Variants in VSNL1 observed in about 807,000 individuals in gnomAD.
VSNL1 encodes the protein visinin like 1.
In VSNL1, 6 loss-of-function variants were observed where a neutral mutation model predicts 20.4. That is an observed-to-expected ratio of 0.29 (90% CI 0.16 to 0.58). VSNL1 has a LOEUF of 0.58. VSNL1 is among the 20% of genes least tolerant of loss of function. The probability of loss-of-function intolerance (pLI) is 0.90; values close to 1 mark genes in which losing one functional copy is unlikely to be tolerated. For missense variants in VSNL1, 100 were observed against 234.5 expected, an observed-to-expected ratio of 0.43 and a Z score of 3.75; for synonymous variants, 93 against 86.4, an observed-to-expected ratio of 1.08 and a Z score of -0.42.
chr2:17,631,664 G>C (rs1036619666), intron 2 of VSNL1, among the ~76,000 whole-genome samples: 1 of 152,146 alleles, frequency 6.6e-6, no homozygotes, highest in Non-Finnish European at 1.5e-5. Context: ...CTCTAGATTT[G>C]ATTAAATAAA....
chr2:17,580,244 A>G (rs1664321101), intron 1 of VSNL1, among the ~76,000 whole-genome samples: 1 of 152,222 alleles, frequency 6.6e-6, no homozygotes, highest in African/African-American at 2.4e-5. Flanking sequence ...AGAGTTGTCC[A>G]GTGAAGTCCA....
intron 1 of VSNL1, among the ~76,000 whole-genome samples, chr2:17,562,545 A>G (rs572923939): frequency 3.0e-4 from 45 of 152,344 alleles, no homozygotes; most frequent in Admixed American, 2.5e-3. Flanking sequence ...ATGAGATTAT[A>G]TAAGCATGTG....
intron 1 of VSNL1, among the ~76,000 whole-genome samples, chr2:17,550,547 C>T (rs1179235081): frequency 6.6e-6 from 1 of 152,140 alleles, no homozygotes; most frequent in Non-Finnish European, 1.5e-5. Flanking sequence ...AGCAAAGAAG[C>T]TTTGGAAATA....
intron 1 of VSNL1, among the ~76,000 whole-genome samples, chr2:17,587,956 A>G (rs545258831): frequency 1.3e-5 from 2 of 152,186 alleles, no homozygotes; most frequent in African/African-American, 2.4e-5. Flanking sequence ...ATCATTTGCC[A>G]TTAAGTGAAA....
At chr2:17,591,982 G>GGACT in intron 1 of VSNL1, 88 bp from the exon 2 acceptor site, 1 of 1,475,386 alleles carries the variant, frequency 6.8e-7, no homozygotes, top group Non-Finnish European at 9.3e-7. Flanking sequence ...TCCGACCATG[G>GGACT]GACTGCTCAG....
chr2:17,653,391 C>A (rs577645541), intron 3 of VSNL1, among the ~76,000 whole-genome samples: 1 of 152,182 alleles, frequency 6.6e-6, no homozygotes, highest in Non-Finnish European at 1.5e-5. Flanking sequence ...CTTTTGATTT[C>A]GCCTTTTAAA....
chr2:17,582,580 A>G (rs1324373696), intron 1 of VSNL1, among the ~76,000 whole-genome samples: 9 of 152,270 alleles, frequency 5.9e-5, no homozygotes, highest in South Asian at 2.1e-4. Context: ...ACTTGTTGAT[A>G]GGTTTACATA....
chr2:17,545,556 T>G (rs997961425), intron 1 of VSNL1, among the ~76,000 whole-genome samples: 1 of 152,128 alleles, frequency 6.6e-6, no homozygotes, highest in Non-Finnish European at 1.5e-5. Flanking sequence ...ATGGAATTAT[T>G]TTAACATGTT....
intron 2 of VSNL1, among the ~76,000 whole-genome samples, chr2:17,644,151 T>C (rs1432157023): frequency 6.6e-6 from 1 of 151,704 alleles, no homozygotes; most frequent in Non-Finnish European, 1.5e-5. Context: ...TGGGGTCCTA[T>C]TCCTGGGGGA....
chr2:17,634,967 C>A lies in VSNL1; in HGVS notation c.163-14443C>A, dbSNP rs1665719508. 6.6e-6 allele frequency among the ~76,000 whole-genome samples: 1 copy of A among 152,186 alleles called. No individual in the cohort carries two copies. Among genetic ancestry groups the A allele is most frequent in the African/African-American group, 2.4e-5 (1 of 41,436 alleles). ...TTGAACACACATACACACGTACACA[C>A]ACATACATGTGCACATACATACATA... On this transcript the variant is annotated intron_variant, in intron 2 of 3. Coordinates refer to ENST00000295156, the MANE Select transcript of VSNL1 (RefSeq NM_003385.5). This position sits in a 1 kb window ranked among gnomAD's most constrained non-coding sequence, Gnocchi z 4.3.
chr2:17,592,990 A>G (rs182841749), intron 2 of VSNL1, among the ~76,000 whole-genome samples: 1 of 152,282 alleles, frequency 6.6e-6, no homozygotes, highest in East Asian at 1.9e-4. Context: ...ACACAAGTGA[A>G]AGAAATACAT....
intron 2 of VSNL1, among the ~76,000 whole-genome samples, chr2:17,639,552 A>T (rs190361826): frequency 6.6e-6 from 1 of 152,172 alleles, no homozygotes; most frequent in Non-Finnish European, 1.5e-5. Flanking sequence ...ATGAAAGAAG[A>T]TCATTTCCTC....
chr2:17,628,748 C>G (rs1245901352), intron 2 of VSNL1, among the ~76,000 whole-genome samples: 3 of 152,330 alleles, frequency 2.0e-5, no homozygotes, highest in African/African-American at 7.2e-5. Flanking sequence ...AAAAGGGCCA[C>G]AGGGAGGCTG....
chr2:17,559,673 C>A (rs1383450920), intron 1 of VSNL1, among the ~76,000 whole-genome samples: 3 of 152,110 alleles, frequency 2.0e-5, no homozygotes, highest in Admixed American at 1.3e-4. Flanking sequence ...AAATCACATT[C>A]ATTTACTTAC....
chr2:17,602,071 T>C (rs545778876), intron 2 of VSNL1, among the ~76,000 whole-genome samples: 7 of 152,228 alleles, frequency 4.6e-5, no homozygotes, highest in Non-Finnish European at 1.0e-4. Context: ...CATTTTGAAA[T>C]GGTGATCTGG....
intron 1 of VSNL1, among the ~76,000 whole-genome samples, chr2:17,583,948 T>A (rs1399735452): frequency 6.6e-6 from 1 of 152,224 alleles, no homozygotes; most frequent in Non-Finnish European, 1.5e-5. Flanking sequence ...ATGAGGATAA[T>A]AATAGTTACT....
rs2103430497 is a variant in VSNL1, at chr2:17,649,701, A to G, written c.378+76A>G. On this transcript the variant is annotated intron_variant, in intron 3 of 3. Transcript: ENST00000295156. This position sits in a 1 kb window ranked among gnomAD's most constrained non-coding sequence, Gnocchi z 6.4. The stretch of plus-strand genomic sequence containing the variant: ...CGGCAGCCTCCTAGGTGCAGGCCTT[A>G]GTGGCTTCTTCTCTCTCTGCTCGAG... The G allele has an allele frequency of 7.1e-7, 1 of 1,399,882 alleles. No individual in the cohort carries two copies. The highest frequency in any genetic ancestry group is 1.0e-6 in the Non-Finnish European group (1 of 999,936). The allele number at this position is 1,399,882 out of a possible 1,614,324, so 86.7% of individuals were successfully genotyped here. A position where few individuals can be genotyped will look rare whatever the true frequency, so the allele number is the denominator to read the frequency against.
chr2:17,578,079 A>G (rs1316233534), intron 1 of VSNL1, among the ~76,000 whole-genome samples: 1 of 152,234 alleles, frequency 6.6e-6, no homozygotes, highest in East Asian at 1.9e-4. Context: ...TACTGCTAAA[A>G]TATCGGTCAT....
chr2:17,553,009 G>C (rs376325950), intron 1 of VSNL1, among the ~76,000 whole-genome samples: 1 of 151,940 alleles, frequency 6.6e-6, no homozygotes, highest in Non-Finnish European at 1.5e-5. Flanking sequence ...ACAGTCTCTC[G>C]CATATACAAG....
Sources: allele counts gnomAD v4.1 joint callset (sites outside exome capture counted in the v4.1 genomes callset), GRCh38; gene constraint gnomAD v4.1.1; non-coding constraint Gnocchi (gnomAD v3.1); transcripts MANE v1.5; gene names NCBI Gene and HGNC (gene_info 2026-07-23, HGNC 2026-07-21).